Variants in ZMIZ1 observed in about 807,000 individuals in gnomAD.
ZMIZ1 encodes zinc finger MIZ domain-containing protein 1.
Under a neutral mutation model 113.9 loss-of-function variants are expected in ZMIZ1, and 17 were observed. The ratio of observed to expected loss-of-function variants is 0.15; its 90% CI spans 0.10 to 0.22. The LOEUF is 0.22. Among genes scored for constraint, ZMIZ1 ranks in the 10% least tolerant of loss-of-function variants. The pLI, the probability that ZMIZ1 is intolerant of heterozygous loss-of-function variation, is 1.00. For missense variants in ZMIZ1, 1,059 were observed against 1,477.8 expected, an observed-to-expected ratio of 0.72 and a Z score of 4.65; for synonymous variants, 607 against 603.1, an observed-to-expected ratio of 1.01 and a Z score of -0.09.
At chr10:79,116,703 A>C (rs905238867) in intron 1 of ZMIZ1, among the ~76,000 whole-genome samples, 2 of 152,190 alleles carry the variant, frequency 1.3e-5, no homozygotes, top group East Asian at 1.9e-4. Flanking sequence ...CCATGCAGAA[A>C]AGTGTGTATC....
At chr10:79,113,095 C>G (rs1467696447) in intron 1 of ZMIZ1, among the ~76,000 whole-genome samples, 1 of 152,238 alleles carries the variant, frequency 6.6e-6, no homozygotes, top group Non-Finnish European at 1.5e-5. Flanking sequence ...GGCCTAGCCT[C>G]TTTGTTCCCC....
At chr10:79,209,820 G>A (rs763446273) in intron 6 of ZMIZ1, among the ~76,000 whole-genome samples, 4 of 152,220 alleles carry the variant, frequency 2.6e-5, no homozygotes, top group East Asian at 3.9e-4. Context: ...TCCCAAGGGC[G>A]CACAGCCTTA....
At chr10:79,282,861 C>T (rs994567369) in intron 8 of ZMIZ1, among the ~76,000 whole-genome samples, 6 of 152,204 alleles carry the variant, frequency 3.9e-5, no homozygotes, top group African/African-American at 1.4e-4. Flanking sequence ...CTCACAGATA[C>T]CCAGGATACT....
chr10:79,181,969 T>C (rs1334886520), intron 4 of ZMIZ1, among the ~76,000 whole-genome samples: 4 of 152,120 alleles, frequency 2.6e-5, no homozygotes, highest in African/African-American at 9.7e-5. Flanking sequence ...TGCAGGAGTC[T>C]GAACTGGAGG....
chr10:79,255,691 C>T (rs1004485316), intron 7 of ZMIZ1, among the ~76,000 whole-genome samples: 1 of 152,152 alleles, frequency 6.6e-6, no homozygotes, highest in South Asian at 2.1e-4. Context: ...GCCACCTCTC[C>T]CCGCCACCCC....
intron 3 of ZMIZ1, among the ~76,000 whole-genome samples, chr10:79,141,399 T>TAGG (rs1845258688): frequency 6.6e-6 from 1 of 152,056 alleles, no homozygotes; most frequent in Non-Finnish European, 1.5e-5. Context: ...TTTAGCCAGG[T>TAGG]AGGAGCACAG....
At chr10:79,130,943 G>A (rs1005794479) in intron 2 of ZMIZ1, among the ~76,000 whole-genome samples, 2 of 152,090 alleles carry the variant, frequency 1.3e-5, no homozygotes, top group African/African-American at 2.4e-5. Flanking sequence ...ATTTTTGCCC[G>A]GATTGTTCCC....
In ZMIZ1 at chr10:79,315,973, G is replaced by C. The variant is rs1855511741; in HGVS notation, c.*3224G>C. 6.5e-6 allele frequency: 1 copy of C among 152,750 alleles called. No homozygotes were observed. Among genetic ancestry groups the C allele is most frequent in the South Asian group, 2.1e-4 (1 of 4,836 alleles). 9.5% of individuals were successfully genotyped at this position (152,750 alleles called of 1,614,324 possible). A position where few individuals can be genotyped will look rare whatever the true frequency, so the allele number is the denominator to read the frequency against. On this transcript the variant is annotated 3_prime_UTR_variant, in exon 25 of 25. Transcript: ENST00000334512. ...CTCATGTAATATACTCTGACCCTGAGTGGAAAGGGGTTTTTGTTCTGTTTT... is the reference window on the plus strand; with the variant it reads ...CTCATGTAATATACTCTGACCCTGACTGGAAAGGGGTTTTTGTTCTGTTTT...
intron 1 of ZMIZ1, among the ~76,000 whole-genome samples, chr10:79,090,804 A>G (rs1267382088): frequency 1.3e-5 from 2 of 152,218 alleles, no homozygotes; most frequent in African/African-American, 4.8e-5. Flanking sequence ...TTGAGAAGCC[A>G]GGGATGTATG....
At chr10:79,137,898 G>T (rs1024255295) in intron 2 of ZMIZ1, among the ~76,000 whole-genome samples, 3 of 152,094 alleles carry the variant, frequency 2.0e-5, no homozygotes, top group Non-Finnish European at 4.4e-5. Context: ...CTCTCGGCCC[G>T]GGCTCTGACA....
intron 4 of ZMIZ1, among the ~76,000 whole-genome samples, chr10:79,200,335 G>C (rs991525088): frequency 2.6e-5 from 4 of 152,216 alleles, no homozygotes; most frequent in African/African-American, 9.6e-5. Context: ...GACTAGGGCT[G>C]TACAGTCCTT....
At position 79,298,567 on chromosome 10, in the gene ZMIZ1, G is replaced by A. The variant is rs1487155058; in HGVS notation, c.1653G>A (p.Leu551=). The change falls in exon 15 of 25, where the codon CTG becomes CTA. Residue 551 remains leucine, a synonymous_variant. Coordinates refer to ENST00000334512, the MANE Select transcript of ZMIZ1 (RefSeq NM_020338.4). Reference sequence around the variant, plus strand: ...ACATCAAGCCAAATATGAGCGCTCTGCCACCACCCCCAGGTGAGGGCCCTC... The same window carrying A: ...ACATCAAGCCAAATATGAGCGCTCTACCACCACCCCCAGGTGAGGGCCCTC... The part of the protein sequence containing the change: ...PPDIKPNMSA[L]PPPPANHNDE... 4 of 1,598,526 alleles carry A rather than the reference G, an allele frequency of 2.5e-6. No individual in the cohort carries two copies. The Admixed American group carries it at 7.0e-5, about 28-fold the overall frequency.
intron 4 of ZMIZ1, among the ~76,000 whole-genome samples, chr10:79,174,565 G>A (rs1242582501): frequency 6.6e-6 from 1 of 152,116 alleles, no homozygotes; most frequent in Non-Finnish European, 1.5e-5. Flanking sequence ...TCAGGAGAGT[G>A]GCTCTGCTCC....
intron 4 of ZMIZ1, among the ~76,000 whole-genome samples, chr10:79,162,982 C>T (rs1846177337): frequency 6.6e-6 from 1 of 152,248 alleles, no homozygotes; most frequent in Non-Finnish European, 1.5e-5. Flanking sequence ...CAGCATTTCT[C>T]ATCATGGGGT....
Position 79,306,093 on chromosome 10 carries a change from C to T in ZMIZ1, c.2424-7C>T. On this transcript the variant is annotated splice_region_variant and splice_polypyrimidine_tract_variant and intron_variant, in intron 21 of 24. Transcript: ENST00000334512. ...GAGCCTCAGCTCTGCCACCCTTCCT[C>T]CCCCAGCTCCGAGTTTGAAGAGGTC... The T allele has an allele frequency of 1.9e-6, 3 of 1,609,322 alleles. No individual in the cohort carries two copies. The highest frequency in any genetic ancestry group is 2.5e-6 in the Non-Finnish European group (3 of 1,177,606).
intron 7 of ZMIZ1, among the ~76,000 whole-genome samples, chr10:79,266,885 A>C (rs995701358): frequency 5.9e-5 from 9 of 152,200 alleles, no homozygotes; most frequent in African/African-American, 1.9e-4. Flanking sequence ...AGGGCTCATG[A>C]GTCAGACCAC....
chr10:79,210,813 G>A (rs533374364), intron 6 of ZMIZ1, among the ~76,000 whole-genome samples: 22 of 152,286 alleles, frequency 1.4e-4, no homozygotes, highest in South Asian at 1.0e-3. Flanking sequence ...TTTGTATGGG[G>A]GCAGGAGCTC....
chr10:79,149,984 G>A (rs544455879), intron 3 of ZMIZ1, among the ~76,000 whole-genome samples: 5 of 152,244 alleles, frequency 3.3e-5, no homozygotes, highest in East Asian at 1.9e-4. Flanking sequence ...GCAGGCCAGC[G>A]TGGCCTGCCC....
At chr10:79,106,231 C>A (rs1843552407) in intron 1 of ZMIZ1, among the ~76,000 whole-genome samples, 1 of 152,222 alleles carries the variant, frequency 6.6e-6, no homozygotes, top group Non-Finnish European at 1.5e-5. Flanking sequence ...GGCCAGAGAC[C>A]AAGACCAGGC....
Sources: gnomAD v4.1 joint callset for allele counts (sites outside exome capture counted in the v4.1 genomes callset) on GRCh38, gnomAD v4.1.1 for gene constraint, MANE v1.5 for transcripts, NCBI Gene and HGNC (gene_info 2026-07-23, HGNC 2026-07-21) for gene names.